WDR62: variants seen among roughly 807,000 people sequenced by gnomAD.
WDR62 encodes WD repeat domain 62.
WDR62 carries 112 observed loss-of-function variants against 160.6 expected under a neutral mutation model. That is an observed-to-expected ratio of 0.70 (90% CI 0.60 to 0.82). WDR62 has a LOEUF of 0.82. WDR62 is among the 40% of genes least tolerant of loss of function. WDR62 has a pLI of 0.00. For missense variants in WDR62, 1,819 were observed against 1,983.8 expected, an observed-to-expected ratio of 0.92 and a Z score of 1.58; for synonymous variants, 792 against 815.1, an observed-to-expected ratio of 0.97 and a Z score of 0.48.
rs1973359296 is a variant in WDR62 at position 36,101,780 on chromosome 19, C to T, written c.3082+6C>T. 6.4e-7 allele frequency: 1 copy of T among 1,550,656 alleles called. No individual in the cohort carries two copies. Among genetic ancestry groups the T allele is most frequent in the Non-Finnish European group, 8.7e-7 (1 of 1,146,256 alleles). Reference sequence around the variant, plus strand: ...GTCGCTGCCCCATTTCCCAGGTAAGCAGGGGCCAGACACGCAGGGGACTCG... The same window carrying T: ...GTCGCTGCCCCATTTCCCAGGTAAGTAGGGGCCAGACACGCAGGGGACTCG... On this transcript the variant is annotated splice_donor_region_variant and intron_variant, in intron 25 of 31. Transcript: ENST00000401500.
chr19:36,065,990 A>T lies in WDR62; in HGVS notation c.365A>T (p.Asp122Val), dbSNP rs200164757. Residue 122 changes from aspartate to valine, a missense_variant, in exon 4 of 32, where the codon GAT becomes GTT. Asp to Val is a radical substitution (Grantham distance 152, BLOSUM62 -3). Transcript: ENST00000401500. ...CTCAGTGCTCTGGCCTTCTCCCCTG[A>T]TGGGAAGTACATAGTGACAGGGGAG... ...KSLSALAFSP[D>V]GKYIVTGENG... 2 of 1,614,078 alleles carry T rather than the reference A, an allele frequency of 1.2e-6. No individual in the cohort carries two copies. The highest frequency in any genetic ancestry group is 2.7e-5 in the African/African-American group (2 of 75,008).
downstream of WDR62, among the ~76,000 whole-genome samples, chr19:36,109,383 G>A (rs963355226): frequency 6.6e-6 from 1 of 152,150 alleles, no homozygotes; most frequent in Non-Finnish European, 1.5e-5. Context: ...TGTCACTGGT[G>A]TGCCTCCTTC....
rs550547556 is a variant in WDR62, at chr19:36,073,269, C to G, written c.1044-73C>G. ...GGATGGCATTGCCGGGGAGGCATCT[C>G]CACTGTCACTAGAGGTGGCTGTCAC... On this transcript the variant is annotated intron_variant, in intron 8 of 31. Coordinates refer to ENST00000401500, the MANE Select transcript of WDR62 (RefSeq NM_001083961.2). 9 of 1,460,508 alleles carry G rather than the reference C, an allele frequency of 6.2e-6. No homozygotes were observed. The African/African-American group carries it at 9.7e-5, about 16-fold the overall frequency. 90.5% of individuals were successfully genotyped at this position (1,460,508 alleles called of 1,614,324 possible). A position where few individuals can be genotyped will look rare whatever the true frequency, so the allele number is the denominator to read the frequency against.
rs1970937651 is a variant in WDR62, at chr19:36,066,330, A to C, written c.464A>C (p.Lys155Thr). 3.1e-6 allele frequency: 5 copies of C among 1,614,208 alleles called. No homozygotes were observed. The highest frequency in any genetic ancestry group is 2.2e-5 in the East Asian group (1 of 44,890). The change falls in exon 5 of 32, where the codon AAG becomes ACG. Residue 155 changes from lysine (K) to threonine (T), a missense_variant. Physicochemically the swap from Lys to Thr is moderately conservative, Grantham distance 78 (BLOSUM62 -1). Around this residue, in one of 3 missense-constraint regions of WDR62, gnomAD observed 934 missense variants for 1,157.2 expected, o/e 0.81. Coordinates refer to ENST00000401500, the MANE Select transcript of WDR62 (RefSeq NM_001083961.2). ...KNQVAEMLGH[K>T]YGVACVAFSP... ...CAGGTGGCGGAGATGCTAGGCCACAAGTATGGTGTGGCGTGTGTGGCCTTC... is the reference window on the plus strand; with the variant it reads ...CAGGTGGCGGAGATGCTAGGCCACACGTATGGTGTGGCGTGTGTGGCCTTC...
Position 36,090,443 on chromosome 19 carries a change from A to G in WDR62, c.1959-2A>G, listed in dbSNP as rs1284259783. ...GGCCGCAACATGCCCCTACTTCCCC[A>G]GAGTCTACAACACTGTGAACGGGAA... On this transcript the variant is annotated splice_acceptor_variant, in intron 15 of 31. Coordinates refer to ENST00000401500, the MANE Select transcript of WDR62 (RefSeq NM_001083961.2). LOFTEE classifies it high-confidence loss of function. 3 of 1,614,058 alleles carry G rather than the reference A, an allele frequency of 1.9e-6. No individual in the cohort carries two copies. The highest frequency in any genetic ancestry group is 2.5e-6 in the Non-Finnish European group (3 of 1,179,952).
At chr19:36,109,672 T>C (rs960076899), downstream of WDR62, among the ~76,000 whole-genome samples, 1 of 151,612 alleles carries the variant, frequency 6.6e-6, no homozygotes, top group Non-Finnish European at 1.5e-5. Flanking sequence ...AGACGGAGGC[T>C]GCAGTGTGTG....
chr19:36,091,067 A>T, intron 16 of WDR62, 133 bp from the exon 17 acceptor site: 1 of 744,436 alleles, frequency 1.3e-6, no homozygotes, highest in South Asian at 1.5e-5. Flanking sequence ...TCACGTGTCG[A>T]ATGGGAGCGG....
intron 25 of WDR62, 68 bp from the exon 26 acceptor site, chr19:36,101,946 A>G: frequency 6.2e-7 from 1 of 1,610,570 alleles, no homozygotes; most frequent in Non-Finnish European, 8.5e-7. Context: ...CGCTTTCTCC[A>G]TTTCAGGTGG....
At chr19:36,077,690 G>A (rs991354835) in intron 9 of WDR62, among the ~76,000 whole-genome samples, 2 of 151,642 alleles carry the variant, frequency 1.3e-5, no homozygotes, top group South Asian at 2.1e-4. Context: ...TCCACCTCCC[G>A]AGTTAAGCTA....
At chr19:36,099,653 G>A (rs747737940) in intron 22 of WDR62, 36 bp downstream of exon 22, 28 of 1,608,412 alleles carry the variant, frequency 1.7e-5, no homozygotes, top group South Asian at 1.1e-4. Context: ...CCATAGCCCC[G>A]GCACCGTGAC....
chr19:36,069,990 AAG>A (rs1023975012), intron 7 of WDR62, among the ~76,000 whole-genome samples: 3 of 128,788 alleles, frequency 2.3e-5, no homozygotes, highest in East Asian at 2.0e-4. Flanking sequence ...AGACCGTGGA[AAG>A]AGAGGGAGAG....
intron 2 of WDR62, among the ~76,000 whole-genome samples, chr19:36,059,483 G>C (rs1267694765): frequency 6.6e-6 from 1 of 152,094 alleles, no homozygotes; most frequent in Non-Finnish European, 1.5e-5. Flanking sequence ...GTGTTGCCCA[G>C]GCTAGAATGC....
At position 36,100,755 on chromosome 19, in the gene WDR62, G is replaced by A. The variant is rs765211132; in HGVS notation, c.2747G>A (p.Ser916Asn). The change falls in exon 23 of 32, where the codon AGT (serine) becomes AAT (asparagine). Residue 916 changes from serine to asparagine, a missense_variant. By Grantham distance (46) the Ser-to-Asn change is conservative (BLOSUM62 1). Transcript: ENST00000401500. The part of the protein sequence containing the change: ...SLASLLSESE[S>N]PQEAGRGHPS... ...GTGCTGTCTTCCCCATAGTCAGAGA[G>A]TCCCCAGGAAGCTGGCCGCGGGCAC... The A allele has an allele frequency of 6.2e-7, 1 of 1,614,104 alleles. No individual in the cohort carries two copies.
chr19:36,070,872 T>C (rs1200934938), intron 7 of WDR62: 1 of 153,078 alleles, frequency 6.5e-6, no homozygotes, highest in African/African-American at 2.4e-5. Context: ...CGCTTTGGAG[T>C]ACAGTCTTTA....
chr19:36,069,432 G>T (rs1196918315), intron 7 of WDR62, among the ~76,000 whole-genome samples: 5 of 151,848 alleles, frequency 3.3e-5, no homozygotes. Flanking sequence ...CTCAGACGAT[G>T]GGCGGCCGGG....
At chr19:36,104,083 C>T (rs1973583114) in intron 30 of WDR62, 102 bp downstream of exon 30, 2 of 1,440,154 alleles carry the variant, frequency 1.4e-6, no homozygotes, top group East Asian at 2.3e-5. Context: ...AGGGACTGTG[C>T]CATTCATTCA....
intron 4 of WDR62, 55 bp from the exon 5 acceptor site, chr19:36,066,202 C>G: frequency 1.9e-6 from 3 of 1,612,252 alleles, no homozygotes. Context: ...CTTGACAACC[C>G]TCTAGCCCTG....
At position 36,103,188 on chromosome 19, in the gene WDR62, G is replaced by A. The variant is rs768598896; in HGVS notation, c.3495G>A (p.Leu1165=). The A allele has an allele frequency of 2.5e-5, 41 of 1,613,828 alleles. No individual in the cohort carries two copies. Among genetic ancestry groups the A allele is most frequent in the Non-Finnish European group, 3.2e-5 (38 of 1,180,002 alleles). Residue 1165 remains leucine, a synonymous_variant, in exon 29 of 32, where the codon CTG becomes CTA. Coordinates refer to ENST00000401500, the MANE Select transcript of WDR62 (RefSeq NM_001083961.2). ...VLAAGKAEET[L]EAWRPPPPCL... ...CTGCAGGGAAGGCTGAAGAGACCCTGGAGGCCTGGCGCCCACCACGTGAGT... is the reference window on the plus strand; with the variant it reads ...CTGCAGGGAAGGCTGAAGAGACCCTAGAGGCCTGGCGCCCACCACGTGAGT...
chr19:36,074,810 G>A (rs1971490172), intron 9 of WDR62, among the ~76,000 whole-genome samples: 1 of 152,068 alleles, frequency 6.6e-6, no homozygotes, highest in Non-Finnish European at 1.5e-5. Context: ...GGGATAATAG[G>A]TGAAATATTA....
Sources: gnomAD v4.1 joint callset for allele counts (sites outside exome capture counted in the v4.1 genomes callset) on GRCh38, gnomAD v4.1.1 for gene constraint, gnomAD v4.1.1 regional missense constraint, MANE v1.5 for transcripts, NCBI Gene and HGNC (gene_info 2026-07-23, HGNC 2026-07-21) for gene names.